The following ADGRB3 variants were observed in gnomAD, a reference collection of about 807,000 sequenced individuals.
ADGRB3 encodes the protein brain-specific angiogenesis inhibitor 3.
ADGRB3 carries 37 observed loss-of-function variants against 193.4 expected under a neutral mutation model. That is an observed-to-expected ratio of 0.19 (90% CI 0.15 to 0.25). The LOEUF (loss-of-function observed/expected upper bound fraction) is 0.25, where lower values mean the gene tolerates loss of function less well. Among genes scored for constraint, ADGRB3 ranks in the 10% least tolerant of loss-of-function variants. The pLI, the probability that ADGRB3 is intolerant of heterozygous loss-of-function variation, is 1.00. For synonymous variants in ADGRB3, 690 were observed against 644.2 expected (o/e 1.07, Z -1.08); for missense variants, 1,637 against 1,852.9 (o/e 0.88, Z 2.14).
intron 20 of ADGRB3, among the ~76,000 whole-genome samples, chr6:69,317,300 A>G (rs1433436573): frequency 6.6e-6 from 1 of 151,430 alleles, no homozygotes; most frequent in Non-Finnish European, 1.5e-5. Context: ...TGACATTCTG[A>G]AAGTAGAGGT....
rs764231393 is a variant in ADGRB3 at position 69,388,752 on chromosome 6, G to A, written c.4430G>A (p.Ser1477Asn). 6.2e-7 allele frequency: 1 copy of A among 1,613,438 alleles called. No homozygotes were observed. Among genetic ancestry groups the A allele is most frequent in the Non-Finnish European group, 8.5e-7 (1 of 1,179,640 alleles). ...KNPWDTFKNP[S>N]EYPHYTTINV... ...CCATGGGACACTTTCAAAAACCCCA[G>A]TGAATACCCGCATTACACCACAATC... Residue 1477 changes from serine to asparagine, a missense_variant, in exon 32 of 32, where the codon AGT becomes AAT. This residue lies in a region of ADGRB3 where 368 missense variants were observed against 367.4 expected (regional missense o/e 1.00). Coordinates refer to ENST00000370598, the MANE Select transcript of ADGRB3 (RefSeq NM_001704.3).
At chr6:68,878,029 G>C (rs1383632343) in intron 3 of ADGRB3, among the ~76,000 whole-genome samples, 1 of 152,056 alleles carries the variant, frequency 6.6e-6, no homozygotes, top group Non-Finnish European at 1.5e-5. Flanking sequence ...CTTTTACAGA[G>C]ACTCATGTCA....
chr6:69,001,086 A>T (rs2150278917), intron 11 of ADGRB3, among the ~76,000 whole-genome samples: 1 of 152,354 alleles, frequency 6.6e-6, no homozygotes, highest in Non-Finnish European at 1.5e-5. Context: ...GAGTGATATA[A>T]GTATAGCATG....
intron 17 of ADGRB3, among the ~76,000 whole-genome samples, chr6:69,121,421 G>A (rs1773682954): frequency 6.6e-6 from 1 of 151,964 alleles, no homozygotes; most frequent in African/African-American, 2.4e-5. Flanking sequence ...CACAGACACA[G>A]TAACAATCTG....
chr6:69,215,003 G>A (rs952886370), intron 17 of ADGRB3, among the ~76,000 whole-genome samples: 1 of 151,878 alleles, frequency 6.6e-6, no homozygotes, highest in Non-Finnish European at 1.5e-5. Flanking sequence ...CTACTCTTGG[G>A]AAAACACATG....
At chr6:68,831,936 G>A (rs1022023432) in intron 3 of ADGRB3, among the ~76,000 whole-genome samples, 1 of 152,042 alleles carries the variant, frequency 6.6e-6, no homozygotes, top group Non-Finnish European at 1.5e-5. Context: ...ACAATGATCC[G>A]AGCCCAAATG....
chr6:68,941,268 G>A (rs984588884), intron 5 of ADGRB3, among the ~76,000 whole-genome samples: 1 of 151,998 alleles, frequency 6.6e-6, no homozygotes, highest in African/African-American at 2.4e-5. Flanking sequence ...AACATTATGT[G>A]GAATGTGCTA....
At chr6:69,278,948 G>T (rs1321032333) in intron 20 of ADGRB3, among the ~76,000 whole-genome samples, 1 of 150,516 alleles carries the variant, frequency 6.6e-6, no homozygotes, top group South Asian at 2.1e-4. Context: ...GAAAATTCAT[G>T]GAATACTTGA....
At chr6:69,104,433 T>G (rs913954021) in intron 17 of ADGRB3, among the ~76,000 whole-genome samples, 1 of 151,868 alleles carries the variant, frequency 6.6e-6, no homozygotes, top group Non-Finnish European at 1.5e-5. Context: ...ATCCAGTCTA[T>G]TATTGTTGGA....
chr6:69,015,500 G>A (rs982059542), intron 12 of ADGRB3, among the ~76,000 whole-genome samples: 2 of 151,922 alleles, frequency 1.3e-5, no homozygotes, highest in Non-Finnish European at 2.9e-5. Context: ...ACTAAAAGGC[G>A]GTGTCATAAA....
chr6:68,664,601 A>T (rs914846722), intron 3 of ADGRB3, among the ~76,000 whole-genome samples: 2 of 151,824 alleles, frequency 1.3e-5, no homozygotes, highest in Admixed American at 1.3e-4. Context: ...TCCTTTGTTT[A>T]TCAGCCACCA....
At chr6:69,097,201 A>G (rs186236396) in intron 17 of ADGRB3, among the ~76,000 whole-genome samples, 6 of 152,356 alleles carry the variant, frequency 3.9e-5, no homozygotes, top group Admixed American at 1.3e-4. Context: ...TAGCATATCT[A>G]TGACTCAGGT....
At chr6:69,098,176 C>A (rs1161788593) in intron 17 of ADGRB3, among the ~76,000 whole-genome samples, 4 of 152,192 alleles carry the variant, frequency 2.6e-5, no homozygotes. Context: ...AAGCCATGCT[C>A]TCTTCCTGCC....
At chr6:68,968,069 A>G (rs183749569) in intron 8 of ADGRB3, among the ~76,000 whole-genome samples, 200 of 152,296 alleles carry the variant, frequency 1.3e-3, no homozygotes, top group Non-Finnish European at 2.5e-3. Context: ...TTTAATCATT[A>G]AACATTGTAC....
intron 23 of ADGRB3, chr6:69,332,349 A>T (rs961225057): frequency 1.0e-6 from 1 of 985,320 alleles, no homozygotes; most frequent in African/African-American, 1.7e-5. Flanking sequence ...CCATTGTGAA[A>T]AAGATTCTGG....
intron 3 of ADGRB3, among the ~76,000 whole-genome samples, chr6:68,758,147 A>C (rs1766331485): frequency 6.6e-6 from 1 of 152,070 alleles, no homozygotes. Context: ...GTGGGAGACA[A>C]ATTCTCCTCA....
intron 17 of ADGRB3, among the ~76,000 whole-genome samples, chr6:69,094,672 T>A (rs1020424237): frequency 6.6e-6 from 1 of 152,192 alleles, no homozygotes; most frequent in East Asian, 1.9e-4. Context: ...CAAATCTTCA[T>A]GGTTGGCTAT....
intron 20 of ADGRB3, among the ~76,000 whole-genome samples, chr6:69,263,575 C>T (rs532531647): frequency 1.3e-5 from 2 of 152,074 alleles, no homozygotes; most frequent in South Asian, 2.1e-4. Flanking sequence ...GCAAGTCTTG[C>T]ATATGTTAAC....
intron 3 of ADGRB3, among the ~76,000 whole-genome samples, chr6:68,672,877 C>T (rs1769000314): frequency 6.6e-6 from 1 of 151,968 alleles, no homozygotes; most frequent in South Asian, 2.1e-4. Flanking sequence ...AAGGTCTCCT[C>T]GCAAAAAAGT....
Sources: allele counts gnomAD v4.1 joint callset (sites outside exome capture counted in the v4.1 genomes callset), GRCh38; gene constraint gnomAD v4.1.1; regional missense constraint gnomAD v4.1.1; transcripts MANE v1.5; gene names NCBI Gene and HGNC (gene_info 2026-07-23, HGNC 2026-07-21).